Variants in HMGCLL1 observed in about 807,000 individuals in gnomAD.
HMGCLL1 encodes the protein 3-hydroxy-3-methylglutaryl-CoA lyase like 1.
Under a neutral mutation model 39.1 loss-of-function variants are expected in HMGCLL1, and 36 were observed. That is an observed-to-expected ratio of 0.92 (90% CI 0.71 to 1.22). HMGCLL1 has a LOEUF of 1.22. Ranked by LOEUF, HMGCLL1 falls within the 50% of genes most tolerant of loss-of-function variation. HMGCLL1 has a pLI of 0.00. For synonymous variants in HMGCLL1, 149 were observed against 144.0 expected (o/e 1.03, Z -0.25); for missense variants, 451 against 416.5 (o/e 1.08, Z -0.72).
chr6:55,657,014 G>A, the HMGCLL1 span, among the ~76,000 whole-genome samples: 1 of 151,814 alleles, frequency 6.6e-6, no homozygotes, highest in Admixed American at 6.6e-5. Context: ...AGAAGTGTAG[G>A]ATGTACTTTG....
chr6:55,526,862 G>C (rs1768350261), intron 3 of HMGCLL1, among the ~76,000 whole-genome samples: 1 of 152,006 alleles, frequency 6.6e-6, no homozygotes, highest in African/African-American at 2.4e-5. Context: ...ATTGAAGTAG[G>C]AGCAGAGGGC....
the HMGCLL1 span, among the ~76,000 whole-genome samples, chr6:55,671,402 T>C: frequency 1.3e-5 from 2 of 151,858 alleles, no homozygotes; most frequent in African/African-American, 4.8e-5. Context: ...TTTAAAGCCA[T>C]TGAGGTTGTG....
chr6:55,442,421 A>G (rs1763642362), intron 7 of HMGCLL1, among the ~76,000 whole-genome samples: 1 of 152,086 alleles, frequency 6.6e-6, no homozygotes, highest in Non-Finnish European at 1.5e-5. Context: ...TTGTTGCTCA[A>G]ACTGTTCAAC....
chr6:55,669,238 C>T, the HMGCLL1 span, among the ~76,000 whole-genome samples: 3 of 151,800 alleles, frequency 2.0e-5, no homozygotes, highest in Non-Finnish European at 4.4e-5. Context: ...CAATTTCCTT[C>T]CAGGTCCCAC....
chr6:55,481,079 G>A (rs1486221306), intron 7 of HMGCLL1, among the ~76,000 whole-genome samples: 1 of 152,028 alleles, frequency 6.6e-6, no homozygotes, highest in African/African-American at 2.4e-5. Flanking sequence ...AATGACTACA[G>A]CCAACAATAA....
At chr6:55,486,350 C>T (rs1210123141) in intron 7 of HMGCLL1, among the ~76,000 whole-genome samples, 1 of 152,022 alleles carries the variant, frequency 6.6e-6, no homozygotes, top group East Asian at 1.9e-4. Context: ...ATAGTACACA[C>T]TATTTTATTT....
chr6:55,584,686 G>T, the HMGCLL1 span, among the ~76,000 whole-genome samples: 3 of 151,968 alleles, frequency 2.0e-5, no homozygotes, highest in African/African-American at 7.2e-5. Context: ...GAGTTTCTTT[G>T]GTCCCAGAGA....
intron 1 of HMGCLL1, among the ~76,000 whole-genome samples, chr6:55,546,347 A>C (rs1213235528): frequency 6.6e-6 from 1 of 152,108 alleles, no homozygotes; most frequent in Non-Finnish European, 1.5e-5. Context: ...GCCTATTTTA[A>C]AGCATATCTA....
intron 3 of HMGCLL1, among the ~76,000 whole-genome samples, chr6:55,520,342 T>C (rs533071636): frequency 1.3e-4 from 20 of 151,648 alleles, no homozygotes; most frequent in Admixed American, 2.0e-4. Flanking sequence ...AAACTAAAAA[T>C]TGATAATCAC....
At chr6:55,507,501 A>AT (rs34512519) in intron 5 of HMGCLL1, among the ~76,000 whole-genome samples, 102,380 of 151,550 alleles carry the variant, frequency 0.68, 34,608 homozygotes, top group Non-Finnish European at 0.7. Flanking sequence ...TTCATGTTCC[A>AT]TTTATGATGA....
chr6:55,526,324 A>G (rs983663478), intron 3 of HMGCLL1, among the ~76,000 whole-genome samples: 9 of 151,940 alleles, frequency 5.9e-5, no homozygotes, highest in African/African-American at 2.2e-4. Context: ...TCATTTTTCC[A>G]ATATTCAACT....
At chr6:55,663,271 A>G in the HMGCLL1 span, among the ~76,000 whole-genome samples, 1 of 150,436 alleles carries the variant, frequency 6.6e-6, no homozygotes, top group African/African-American at 2.4e-5. Context: ...TGCAGTTGCA[A>G]TGTTAGGTTG....
intron 7 of HMGCLL1, among the ~76,000 whole-genome samples, chr6:55,453,257 C>T (rs1036566894): frequency 1.5e-4 from 23 of 152,192 alleles, no homozygotes; most frequent in Non-Finnish European, 2.2e-4. Flanking sequence ...CGGCTCACTG[C>T]AAGCTCCACC....
At position 55,435,635 on chromosome 6, in the gene HMGCLL1, C is replaced by T; in HGVS notation, c.*27G>A. ...GTATTGTAGCTGAAATTGATCTTCT[C>T]AACGGTACGTCATAAATCCATTCAA... is the stretch of plus-strand genomic sequence containing the variant. On this transcript the variant is annotated 3_prime_UTR_variant, in exon 9 of 9. Transcript: ENST00000274901. 2.3e-6 allele frequency: 3 copies of T among 1,322,432 alleles called. No homozygotes were observed. Among genetic ancestry groups the T allele is most frequent in the Non-Finnish European group, 3.2e-6 (3 of 935,608 alleles). The allele number at this position is 1,322,432 out of a possible 1,614,324, so 81.9% of individuals were successfully genotyped here. A position where few individuals can be genotyped will look rare whatever the true frequency, so the allele number is the denominator to read the frequency against.
chr6:55,499,251 C>A lies in HMGCLL1; in HGVS notation c.591G>T (p.Pro197=), dbSNP rs190475519. ...LGCPYEGSIT[P]QKVTEVSKRL... is the part of the protein sequence containing the mutation. Reference sequence around the variant, plus strand: ...TGTAGCTTACTTCTGTCACTTTTTGCGGTGTAATACTTCCTTCATATGGAC... The same window carrying A: ...TGTAGCTTACTTCTGTCACTTTTTGAGGTGTAATACTTCCTTCATATGGAC... The change falls in exon 6 of 9, where the codon CCG becomes CCT. Residue 197 remains proline (P), a synonymous_variant. Coordinates refer to ENST00000274901, the MANE Select transcript of HMGCLL1 (RefSeq NM_001042406.2). The A allele has an allele frequency of 5.4e-5, 87 of 1,607,474 alleles. 1 individual carries two copies. The Admixed American group carries it at 1.5e-3, about 27-fold the overall frequency.
At chr6:55,650,912 G>C in the HMGCLL1 span, among the ~76,000 whole-genome samples, 3 of 149,736 alleles carry the variant, frequency 2.0e-5, no homozygotes, top group South Asian at 6.5e-4. Context: ...AATACTGCCA[G>C]GCCTGAGACT....
At chr6:55,605,575 T>C in the HMGCLL1 span, among the ~76,000 whole-genome samples, 1 of 152,210 alleles carries the variant, frequency 6.6e-6, no homozygotes, top group Non-Finnish European at 1.5e-5. Context: ...TGCCTAATTT[T>C]GCTTGAGCTT....
intron 7 of HMGCLL1, among the ~76,000 whole-genome samples, chr6:55,482,302 G>A (rs567176048): frequency 6.6e-6 from 1 of 152,152 alleles, no homozygotes; most frequent in South Asian, 2.1e-4. Flanking sequence ...ATGAATCAGG[G>A]TAAAATTTAA....
At chr6:55,507,696 T>C (rs1018005439) in intron 5 of HMGCLL1, among the ~76,000 whole-genome samples, 11 of 151,956 alleles carry the variant, frequency 7.2e-5, no homozygotes, top group African/African-American at 2.6e-4. Flanking sequence ...TTTTTAATGA[T>C]CCACTTAAAT....
Sources: gnomAD v4.1 joint callset for allele counts (sites outside exome capture counted in the v4.1 genomes callset) on GRCh38, gnomAD v4.1.1 for gene constraint, MANE v1.5 for transcripts, NCBI Gene and HGNC (gene_info 2026-07-23, HGNC 2026-07-21) for gene names.